Variants in SYN2 observed in about 807,000 individuals in gnomAD.
SYN2 encodes synapsin II, also known as synapsin-2.
SYN2 carries 19 observed loss-of-function variants against 50.9 expected under a neutral mutation model. That is an observed-to-expected ratio of 0.37 (90% CI 0.26 to 0.55). The LOEUF (loss-of-function observed/expected upper bound fraction) is 0.55. Ranked by LOEUF, SYN2 falls within the 20% of genes least tolerant of loss-of-function variation. The pLI is 0.81. For missense variants in SYN2, 587 were observed against 576.4 expected, an observed-to-expected ratio of 1.02 and a Z score of -0.19; for synonymous variants, 255 against 224.9, an observed-to-expected ratio of 1.13 and a Z score of -1.20.
intron 1 of SYN2, among the ~76,000 whole-genome samples, chr3:12,067,479 C>CT (rs1695238888): frequency 6.6e-6 from 1 of 152,120 alleles, no homozygotes. Context: ...ATCACAACAT[C>CT]AATTCATAAA....
chr3:12,161,703 G>T, intron 6 of SYN2, 95 bp downstream of exon 6: 1 of 1,390,976 alleles, frequency 7.2e-7, no homozygotes, highest in South Asian at 1.2e-5. Context: ...CTCTGTCACT[G>T]ATGAATTCTT....
intron 1 of SYN2, among the ~76,000 whole-genome samples, chr3:12,097,608 CAAAA>C (rs35095165): frequency 1.1e-5 from 1 of 94,852 alleles, no homozygotes; most frequent in Non-Finnish European, 2.4e-5. Context: ...TCCATCTCAA[CAAAA>C]AAAAAAAAAA....
At chr3:12,101,990 T>C (rs1202160358) in intron 1 of SYN2, among the ~76,000 whole-genome samples, 2 of 152,068 alleles carry the variant, frequency 1.3e-5, no homozygotes. Flanking sequence ...GTGATCAGAG[T>C]TATCGAATGA....
At chr3:12,019,305 T>G (rs1444749892) in intron 1 of SYN2, among the ~76,000 whole-genome samples, 2 of 152,200 alleles carry the variant, frequency 1.3e-5, no homozygotes, top group Admixed American at 1.3e-4. Context: ...TAGCCCTTAG[T>G]ATTCAGTAGA....
chr3:12,089,592 T>A (rs564627962), intron 1 of SYN2, among the ~76,000 whole-genome samples: 2 of 152,352 alleles, frequency 1.3e-5, no homozygotes, highest in African/African-American at 4.8e-5. Context: ...GGGGGATTAC[T>A]TGAGCCCAGT....
Position 12,078,965 on chromosome 3 carries a change from C to G in SYN2, c.378-61686C>G, listed in dbSNP as rs536310652. Among the ~76,000 whole-genome samples, 7 of 152,174 alleles carry G rather than the reference C, an allele frequency of 4.6e-5. No individual in the cohort carries two copies. The South Asian group carries it at 1.5e-3, about 32-fold the overall frequency. On this transcript the variant is annotated intron_variant, in intron 1 of 12. Transcript: ENST00000621198. ...GGGATGTTTTTCCATTTGTTTGTGT[C>G]CTCTCTGATTTTCTTGAGCCGTGGT...
rs1697901481 is a variant in SYN2, at chr3:12,169,900, G to T, written c.1302G>T (p.Gln434His). The change falls in exon 10 of 13, where the codon CAG becomes CAT. Residue 434 changes from glutamine to histidine, a missense_variant. Gln to His is a conservative substitution (Grantham distance 24, BLOSUM62 0). Transcript: ENST00000621198. The stretch of plus-strand genomic sequence containing the variant: ...CTCAGAGACCCCTAACAACCCAGCA[G>T]CCACAGGTAAGCAGCTAGGAAGAGA... ...LSPQRPLTTQ[Q>H]PQSGTLKDPD... 6.2e-7 allele frequency: 1 copy of T among 1,608,028 alleles called. No homozygotes were observed. Among genetic ancestry groups the T allele is most frequent in the Non-Finnish European group, 8.5e-7 (1 of 1,177,240 alleles).
intron 1 of SYN2, among the ~76,000 whole-genome samples, chr3:12,132,889 G>A (rs909154881): frequency 6.6e-6 from 1 of 152,076 alleles, no homozygotes; most frequent in Non-Finnish European, 1.5e-5. Context: ...GTCATTCCAG[G>A]TTCCTTTACC....
chr3:12,063,642 C>G (rs1459276287), intron 1 of SYN2, among the ~76,000 whole-genome samples: 1 of 151,858 alleles, frequency 6.6e-6, no homozygotes, highest in Non-Finnish European at 1.5e-5. Context: ...TAGGCACATA[C>G]AGTTTCATAT....
intron 1 of SYN2, among the ~76,000 whole-genome samples, chr3:12,074,125 C>A (rs1695420337): frequency 6.6e-6 from 1 of 152,010 alleles, no homozygotes; most frequent in Non-Finnish European, 1.5e-5. Context: ...ATGCTTTTTG[C>A]CATTAGTTCT....
chr3:12,150,791 C>G (rs1000188116), intron 4 of SYN2, among the ~76,000 whole-genome samples: 3 of 152,132 alleles, frequency 2.0e-5, no homozygotes, highest in African/African-American at 7.2e-5. Context: ...ATTCCTTTGC[C>G]TGACGTTTGA....
intron 1 of SYN2, among the ~76,000 whole-genome samples, chr3:12,058,625 G>A (rs2125160598): frequency 6.6e-6 from 1 of 152,292 alleles, no homozygotes; most frequent in East Asian, 1.9e-4. Flanking sequence ...TAAAATCACT[G>A]GGGAAGGGGA....
At chr3:12,163,023 G>C (rs1013936127) in intron 7 of SYN2, among the ~76,000 whole-genome samples, 4 of 151,874 alleles carry the variant, frequency 2.6e-5, no homozygotes, top group African/African-American at 9.7e-5. Flanking sequence ...GGCGGATCAC[G>C]AGGTCAGGAG....
intron 11 of SYN2, among the ~76,000 whole-genome samples, chr3:12,186,219 A>G (rs929065947): frequency 4.0e-5 from 6 of 151,896 alleles, no homozygotes; most frequent in African/African-American, 1.5e-4. Context: ...GTGGATGTGG[A>G]CTGTGGGATT....
At position 12,187,462 on chromosome 3, in the gene SYN2, C is replaced by T. The variant is rs1228224772; in HGVS notation, c.1463C>T (p.Ser488Phe). The stretch of plus-strand genomic sequence containing the variant: ...GGACCATCACTGCCACCTTCCTCCT[C>T]TTCCTCCTCTTCTTCCTCCTCCTCG... ...PPGPSLPPSSSSSSSSSSSAP... is the reference protein window; with the variant it reads ...PPGPSLPPSSFSSSSSSSSAP... The change falls in exon 12 of 13, where the codon TCT becomes TTT. Residue 488 changes from serine to phenylalanine, a missense_variant. Coordinates refer to ENST00000621198, the MANE Select transcript of SYN2 (RefSeq NM_133625.6). 7.1e-7 allele frequency: 1 copy of T among 1,401,642 alleles called. No individual in the cohort carries two copies. Among genetic ancestry groups the T allele is most frequent in the Non-Finnish European group, 9.8e-7 (1 of 1,021,098 alleles). 86.8% of individuals were successfully genotyped at this position (1,401,642 alleles called of 1,614,324 possible). A position where few individuals can be genotyped will look rare whatever the true frequency, so the allele number is the denominator to read the frequency against.
intron 1 of SYN2, among the ~76,000 whole-genome samples, chr3:12,114,014 C>G (rs906202962): frequency 6.6e-6 from 1 of 151,944 alleles, no homozygotes; most frequent in Non-Finnish European, 1.5e-5. Flanking sequence ...CCAGACTGTT[C>G]TCTATAATGC....
chr3:12,101,379 C>G (rs555974168), intron 1 of SYN2, among the ~76,000 whole-genome samples: 1 of 152,134 alleles, frequency 6.6e-6, no homozygotes, highest in East Asian at 1.9e-4. Context: ...TGAGAGAACC[C>G]GGGCACAAAA....
At chr3:12,060,215 C>T (rs1451877881) in intron 1 of SYN2, among the ~76,000 whole-genome samples, 4 of 152,148 alleles carry the variant, frequency 2.6e-5, no homozygotes, top group Admixed American at 6.5e-5. Flanking sequence ...ACAGTGGCAT[C>T]ACATTTTTAT....
At chr3:12,021,879 G>C (rs1694145312) in intron 1 of SYN2, among the ~76,000 whole-genome samples, 1 of 152,086 alleles carries the variant, frequency 6.6e-6, no homozygotes, top group African/African-American at 2.4e-5. Context: ...AGCCTGGCCA[G>C]CGTAACGAAA....
Sources: gnomAD v4.1 joint callset for allele counts (sites outside exome capture counted in the v4.1 genomes callset) on GRCh38, gnomAD v4.1.1 for gene constraint, MANE v1.5 for transcripts, NCBI Gene and HGNC (gene_info 2026-07-23, HGNC 2026-07-21) for gene names.